TRPS1: variants seen among roughly 807,000 people sequenced by gnomAD.
TRPS1 encodes the protein transcriptional repressor GATA binding 1, also known as zinc finger transcription factor Trps1.
Under a neutral mutation model 101.2 loss-of-function variants are expected in TRPS1, and 6 were observed. That is an observed-to-expected ratio of 0.06 (90% CI 0.03 to 0.12). The LOEUF (loss-of-function observed/expected upper bound fraction) is 0.12, where lower values mean the gene tolerates loss of function less well. Ranked by LOEUF, TRPS1 falls within the 10% of genes least tolerant of loss-of-function variation. The pLI, the probability that TRPS1 is intolerant of heterozygous loss-of-function variation, is 1.00. For synonymous variants in TRPS1, 578 were observed against 589.8 expected (o/e 0.98, Z 0.29); for missense variants, 1,363 against 1,567.0 (o/e 0.87, Z 2.20).
At chr8:115,506,173 A>C (rs1815438171) in intron 5 of TRPS1, among the ~76,000 whole-genome samples, 1 of 152,064 alleles carries the variant, frequency 6.6e-6, no homozygotes, top group South Asian at 2.1e-4. Flanking sequence ...TAAAAGAAAT[A>C]TAAAGGAAAT....
rs1312874290 is a variant in TRPS1, at chr8:115,410,945, GATAAA to G, written c.*3073_*3077del. 3 of 151,404 alleles carry G rather than the reference GATAAA, an allele frequency of 2.0e-5. No homozygotes were observed. Among genetic ancestry groups the G allele is most frequent in the African/African-American group, 7.3e-5 (3 of 41,248 alleles). 9.4% of individuals were successfully genotyped at this position (151,404 alleles called of 1,614,324 possible). A position where few individuals can be genotyped will look rare whatever the true frequency, so the allele number is the denominator to read the frequency against. ...TAGCTCGTTTAAAATCACAATTTAA[GATAAA>G]ATAATTCAGAAATCTTAAATTAAAA... On this transcript the variant is annotated 3_prime_UTR_variant, in exon 7 of 7. Coordinates refer to ENST00000395715, the MANE Select transcript of TRPS1 (RefSeq NM_014112.5).
chr8:115,483,961 C>A (rs1027090436), intron 5 of TRPS1, among the ~76,000 whole-genome samples: 2 of 152,116 alleles, frequency 1.3e-5, no homozygotes, highest in African/African-American at 4.8e-5. Context: ...TCCAAAAATG[C>A]TTTCACAGAA....
chr8:115,521,523 C>T (rs1425086673), intron 5 of TRPS1, among the ~76,000 whole-genome samples: 1 of 151,820 alleles, frequency 6.6e-6, no homozygotes, highest in East Asian at 1.9e-4. Flanking sequence ...AGGACTTCAT[C>T]TCTCACTATA....
intron 5 of TRPS1, among the ~76,000 whole-genome samples, chr8:115,553,207 G>T (rs1816742054): frequency 6.6e-6 from 1 of 151,748 alleles, no homozygotes; most frequent in African/African-American, 2.4e-5. Flanking sequence ...TTATTATGTT[G>T]AGTAAGTAGT....
intron 4 of TRPS1, among the ~76,000 whole-genome samples, chr8:115,588,000 T>C (rs1013333762): frequency 1.2e-4 from 18 of 152,246 alleles, no homozygotes; most frequent in African/African-American, 4.1e-4. Context: ...CCCTGATGGA[T>C]AATCATGAAT....
Position 115,632,226 on chromosome 8 carries a change from T to C in TRPS1, c.-121-8468A>G, listed in dbSNP as rs75428874. ...TTTATTAAATATATAATGTTTACCA[T>C]AAATATATGCACTTATATATACATA... On this transcript the variant is annotated intron_variant, in intron 1 of 6. Transcript: ENST00000395715. Among the ~76,000 whole-genome samples the C allele has an allele frequency of 3.1e-3, 475 of 152,270 alleles. 2 individuals are homozygous for C. Among genetic ancestry groups the C allele is most frequent in the African/African-American group, 0.01 (435 of 41,570 alleles).
intron 5 of TRPS1, among the ~76,000 whole-genome samples, chr8:115,538,361 T>C (rs1411889698): frequency 6.6e-6 from 1 of 152,228 alleles, no homozygotes; most frequent in Non-Finnish European, 1.5e-5. Flanking sequence ...AAGTATTATT[T>C]TGTTTGCTCT....
intron 4 of TRPS1, among the ~76,000 whole-genome samples, chr8:115,597,287 T>C (rs549278009): frequency 6.6e-6 from 1 of 152,090 alleles, no homozygotes; most frequent in East Asian, 1.9e-4. Flanking sequence ...AGGTGTTTTA[T>C]CGTAAAATCT....
rs1355127582 is a variant in TRPS1, at chr8:115,498,405, CTCTCTCTCTCTATATATATA to C, written c.2701-79973_2701-79954del. The stretch of plus-strand genomic sequence containing the variant: ...TCTCTCTCTCTCTCTCTCTCTCTCT[CTCTCTCTCTCTATATATATA>C]TATATATATATATATATATATATAT... On this transcript the variant is annotated intron_variant, in intron 5 of 6. Coordinates refer to ENST00000395715, the MANE Select transcript of TRPS1 (RefSeq NM_014112.5). Among the ~76,000 whole-genome samples the C allele has an allele frequency of 4.6e-3, 390 of 85,612 alleles. 2 individuals are homozygous for C. The highest frequency in any genetic ancestry group is 0.02 in the African/African-American group (364 of 18,408). 56.2% of individuals were successfully genotyped at this position (85,612 alleles called of 152,430 possible).
intron 5 of TRPS1, among the ~76,000 whole-genome samples, chr8:115,579,142 T>C (rs546130198): frequency 6.6e-6 from 1 of 152,184 alleles, no homozygotes; most frequent in East Asian, 1.9e-4. Context: ...AAGGAATCCA[T>C]CCAGTAATAA....
At chr8:115,539,329 A>AT (rs747288036) in intron 5 of TRPS1, among the ~76,000 whole-genome samples, 5 of 152,220 alleles carry the variant, frequency 3.3e-5, no homozygotes, top group Non-Finnish European at 7.3e-5. Flanking sequence ...ATTTTAAAAA[A>AT]TTTCTGGGCT....
chr8:115,627,378 T>C (rs943888772), intron 1 of TRPS1, among the ~76,000 whole-genome samples: 13 of 151,756 alleles, frequency 8.6e-5, no homozygotes, highest in Non-Finnish European at 1.5e-4. Context: ...TTGATTCACA[T>C]AGGCCAATCT....
chr8:115,604,458 T>C lies in TRPS1; in HGVS notation c.1511A>G (p.Glu504Gly). Reference sequence around the variant, plus strand: ...GTCTGTCTTGGTCATTGTCTCTCCTTCTGAACTTTTGGCTAGATCATTCTG... The same window carrying C: ...GTCTGTCTTGGTCATTGTCTCTCCTCCTGAACTTTTGGCTAGATCATTCTG... ...INQNDLAKSS[E>G]GETMTKTDKS... Residue 504 changes from glutamate (E) to glycine (G), a missense_variant, in exon 4 of 7, where the codon GAA becomes GGA. This residue lies in a region of TRPS1 where 1,020 missense variants were observed against 1,073.0 expected (regional missense o/e 0.95). Transcript: ENST00000395715. The surrounding 1 kb of genome is among the most constrained non-coding windows in gnomAD (Gnocchi z 4.1). 6.2e-7 allele frequency: 1 copy of C among 1,614,072 alleles called. No individual in the cohort carries two copies. The highest frequency in any genetic ancestry group is 8.5e-7 in the Non-Finnish European group (1 of 1,179,994).
In TRPS1 at chr8:115,612,529, G is replaced by A. The variant is rs545399198; in HGVS notation, c.966+6603C>T. ...GAAGAAAGGAGGCAAAAAGAAAGTT[G>A]TTGTGGGGAACTTCACTTTTACATA... On this transcript the variant is annotated intron_variant, in intron 3 of 6. Coordinates refer to ENST00000395715, the MANE Select transcript of TRPS1 (RefSeq NM_014112.5). Among the ~76,000 whole-genome samples, 82 of 152,288 alleles carry A rather than the reference G, an allele frequency of 5.4e-4. 1 individual carries two copies. The South Asian group carries it at 0.016, about 30-fold the overall frequency.
intron 5 of TRPS1, among the ~76,000 whole-genome samples, chr8:115,471,340 A>G (rs1814464038): frequency 6.6e-6 from 1 of 152,160 alleles, no homozygotes; most frequent in Non-Finnish European, 1.5e-5. Context: ...AGTGACAAGC[A>G]AAGAGGGAAA....
chr8:115,516,165 AT>A lies in TRPS1; in HGVS notation c.2700+70835del, dbSNP rs1815705480. Among the ~76,000 whole-genome samples, 3 of 107,114 alleles carry A rather than the reference AT, an allele frequency of 2.8e-5. No homozygotes were observed. In the South Asian group the frequency reaches 1.1e-3, roughly 39 times the overall value. 70.3% of individuals were successfully genotyped at this position (107,114 alleles called of 152,430 possible). A position where few individuals can be genotyped will look rare whatever the true frequency, so the allele number is the denominator to read the frequency against. ...TGTTAACAATGTTACTTTAAGACCAATTTTTAAGAAAATTATCACCGTAGGT... is the reference window on the plus strand; with the variant it reads ...TGTTAACAATGTTACTTTAAGACCAATTTTAAGAAAATTATCACCGTAGGT... On this transcript the variant is annotated intron_variant, in intron 5 of 6. Transcript: ENST00000395715.
intron 5 of TRPS1, among the ~76,000 whole-genome samples, chr8:115,532,230 T>C (rs914295530): frequency 1.5e-5 from 2 of 137,018 alleles, no homozygotes; most frequent in African/African-American, 5.7e-5. Context: ...AGAAATGGAA[T>C]GAAATCAGAG....
At chr8:115,596,095 A>C (rs1164738639) in intron 4 of TRPS1, among the ~76,000 whole-genome samples, 1 of 151,770 alleles carries the variant, frequency 6.6e-6, no homozygotes, top group Admixed American at 6.6e-5. Flanking sequence ...ACCAATGTCA[A>C]CTCTTTCAGT....
chr8:115,483,842 C>T (rs1814815885), intron 5 of TRPS1, among the ~76,000 whole-genome samples: 1 of 152,136 alleles, frequency 6.6e-6, no homozygotes. Flanking sequence ...CCACAATCAG[C>T]TCCCAGTAGC....
Sources: gnomAD v4.1 joint callset for allele counts (sites outside exome capture counted in the v4.1 genomes callset) on GRCh38, gnomAD v4.1.1 for gene constraint, gnomAD v4.1.1 regional missense constraint, Gnocchi (gnomAD v3.1) non-coding constraint, MANE v1.5 for transcripts, NCBI Gene and HGNC (gene_info 2026-07-23, HGNC 2026-07-21) for gene names.